The following TANC2 variants were observed in gnomAD, a reference collection of about 807,000 sequenced individuals.
TANC2 encodes the protein protein TANC2.
TANC2 carries 26 observed loss-of-function variants against 210.5 expected under a neutral mutation model. The ratio of observed to expected loss-of-function variants is 0.12; its 90% CI spans 0.09 to 0.17. The LOEUF is 0.17. Among genes scored for constraint, TANC2 ranks in the 10% least tolerant of loss-of-function variants. The pLI is 1.00. For synonymous variants in TANC2, 931 were observed against 967.1 expected, an observed-to-expected ratio of 0.96 and a Z score of 0.69; for missense variants, 2,129 against 2,608.9, an observed-to-expected ratio of 0.82 and a Z score of 4.01.
At chr17:63,243,554 A>T (rs957914820) in intron 8 of TANC2, among the ~76,000 whole-genome samples, 1 of 152,248 alleles carries the variant, frequency 6.6e-6, no homozygotes, top group African/African-American at 2.4e-5. Flanking sequence ...CACAGATGTG[A>T]TATTGAACAA....
chr17:63,398,899 C>G (rs762149740), exon 19 of TANC2: 3 of 1,593,874 alleles, frequency 1.9e-6, no homozygotes, highest in Non-Finnish European at 2.6e-6. Flanking sequence ...CTTTGACAGT[C>G]TCTGGGGAGA....
At chr17:63,183,250 C>T (rs182618451) in intron 5 of TANC2, among the ~76,000 whole-genome samples, 29 of 152,298 alleles carry the variant, frequency 1.9e-4, no homozygotes, top group Non-Finnish European at 3.2e-4. Flanking sequence ...TGTCAAGTGA[C>T]GTTAACATTG....
chr17:63,354,771 C>T lies in TANC2; in HGVS notation c.1975-12C>T. ...GGTCTTTCTGTCTCTTTCTCTCTCT[C>T]CATCTTTTTAGGAAATTACCAAGCT... On this transcript the variant is annotated splice_polypyrimidine_tract_variant and intron_variant, in intron 13 of 27. Transcript: ENST00000689528. The T allele has an allele frequency of 7.1e-6, 11 of 1,546,808 alleles. No individual in the cohort carries two copies. Among genetic ancestry groups the T allele is most frequent in the Non-Finnish European group, 9.5e-6 (11 of 1,151,932 alleles).
exon 8 of TANC2, chr17:63,237,829 A>G (rs1567842033): frequency 1.9e-6 from 3 of 1,547,436 alleles, no homozygotes; most frequent in South Asian, 1.2e-5. Flanking sequence ...TTAACAAGCT[A>G]TTCTGAAAAT....
At chr17:63,027,150 A>G (rs2034584697) in intron 2 of TANC2, among the ~76,000 whole-genome samples, 3 of 152,188 alleles carry the variant, frequency 2.0e-5, no homozygotes, top group Non-Finnish European at 4.4e-5. Context: ...TAAATGATCA[A>G]TTCACATTTT....
rs533200830 is a variant in TANC2 at position 63,276,626 on chromosome 17, A to G, written c.1159+8753A>G. 2.8e-4 allele frequency among the ~76,000 whole-genome samples: 43 copies of G among 152,110 alleles called. No homozygotes were observed. In the South Asian group the frequency reaches 8.9e-3, roughly 32 times the overall value. The stretch of plus-strand genomic sequence containing the variant: ...CAATGTCAGAAAGCTGAAATTTAAT[A>G]TGGAAGTTATTCAAAGATTCAAAGT... On this transcript the variant is annotated intron_variant, in intron 9 of 27. Coordinates refer to ENST00000689528, the Ensembl canonical transcript of TANC2.
chr17:63,191,325 A>G (rs907805667), intron 5 of TANC2, among the ~76,000 whole-genome samples: 1 of 150,104 alleles, frequency 6.7e-6, no homozygotes, highest in East Asian at 2.1e-4. Context: ...TTTTGCCATT[A>G]CCTTTAATGG....
intron 19 of TANC2, among the ~76,000 whole-genome samples, chr17:63,402,639 ATCCTGTCTGCCTCTTCCAAC>A (rs1357856053): frequency 2.6e-5 from 4 of 152,174 alleles, no homozygotes; most frequent in Non-Finnish European, 4.4e-5. Context: ...TCTGAGCTAC[ATCCTGTCTGCCTCTTCCAAC>A]TCCTTAGATG....
intron 4 of TANC2, among the ~76,000 whole-genome samples, chr17:63,124,407 T>C (rs906407593): frequency 6.6e-6 from 1 of 152,204 alleles, no homozygotes; most frequent in African/African-American, 2.4e-5. Context: ...TTTGAGTGAC[T>C]AGGATCATGA....
At chr17:63,174,319 C>G (rs1274103387) in intron 5 of TANC2, among the ~76,000 whole-genome samples, 2 of 152,198 alleles carry the variant, frequency 1.3e-5, no homozygotes, top group African/African-American at 2.4e-5. Flanking sequence ...ACTACCTCCA[C>G]TCCACCTACC....
chr17:63,054,918 G>A (rs1266618739), intron 2 of TANC2, among the ~76,000 whole-genome samples: 4 of 152,128 alleles, frequency 2.6e-5, no homozygotes, highest in Admixed American at 6.5e-5. Context: ...TTAGGGTTCT[G>A]TATTTTAGTT....
chr17:63,402,926 TAC>T (rs1457825047), intron 19 of TANC2, among the ~76,000 whole-genome samples: 1 of 152,254 alleles, frequency 6.6e-6, no homozygotes, highest in African/African-American at 2.4e-5. Context: ...GACTCCATTT[TAC>T]ATAGTTGTGT....
At chr17:63,199,463 A>G (rs1327504123) in intron 6 of TANC2, among the ~76,000 whole-genome samples, 1 of 152,062 alleles carries the variant, frequency 6.6e-6, no homozygotes, top group Non-Finnish European at 1.5e-5. Context: ...TACTAAAACT[A>G]TAAAAATTAG....
chr17:63,267,006 C>T (rs950438830), intron 8 of TANC2, among the ~76,000 whole-genome samples: 1 of 151,984 alleles, frequency 6.6e-6, no homozygotes, highest in Admixed American at 6.6e-5. Flanking sequence ...CACACCACCA[C>T]GCCTGGCTAA....
chr17:63,415,456 G>A, intron 25 of TANC2, 72 bp from the exon 26 acceptor site: 1 of 1,568,910 alleles, frequency 6.4e-7, no homozygotes, highest in Non-Finnish European at 8.7e-7. Flanking sequence ...GAAGAAGAAG[G>A]GAGTGGGGAC....
exon 28 of TANC2, chr17:63,425,668 G>A (rs2049126009): frequency 6.6e-6 from 1 of 152,276 alleles, no homozygotes; most frequent in Non-Finnish European, 1.5e-5. Flanking sequence ...CAACAGGCAA[G>A]CGGGCTCAGA....
At chr17:63,406,354 C>T (rs2048506771) in intron 21 of TANC2, 77 bp downstream of exon 21, 2 of 1,580,764 alleles carry the variant, frequency 1.3e-6, no homozygotes, top group South Asian at 1.1e-5. Flanking sequence ...AGCAATGGAT[C>T]CCAGGAGATG....
intron 13 of TANC2, among the ~76,000 whole-genome samples, chr17:63,354,334 A>AT (rs1185521593): frequency 1.3e-5 from 2 of 151,962 alleles, no homozygotes; most frequent in African/African-American, 4.8e-5. Flanking sequence ...TGTGTGGGAA[A>AT]TTTTTTTTTA....
At chr17:63,153,293 C>A in intron 5 of TANC2, 1 of 152,090 alleles carries the variant, frequency 6.6e-6, no homozygotes, top group East Asian at 1.9e-4. Context: ...GATATACTAA[C>A]ACCACTGATG....
Sources: gnomAD v4.1 joint callset for allele counts (sites outside exome capture counted in the v4.1 genomes callset) on GRCh38, gnomAD v4.1.1 for gene constraint, MANE v1.5 for transcripts, NCBI Gene and HGNC (gene_info 2026-07-23, HGNC 2026-07-21) for gene names.